CIP2A: variants seen among roughly 807,000 people sequenced by gnomAD.
CIP2A encodes the protein protein CIP2A.
CIP2A carries 103 observed loss-of-function variants against 110.9 expected under a neutral mutation model. That is an observed-to-expected ratio of 0.93 (90% CI 0.79 to 1.09). The LOEUF is 1.09. CIP2A is among the 50% of genes least tolerant of loss of function. The pLI, the probability that CIP2A is intolerant of heterozygous loss-of-function variation, is 0.00. For missense variants in CIP2A, 1,088 were observed against 1,038.4 expected, an observed-to-expected ratio of 1.05 and a Z score of -0.66; for synonymous variants, 381 against 361.6, an observed-to-expected ratio of 1.05 and a Z score of -0.61.
intron 5 of CIP2A, among the ~76,000 whole-genome samples, chr3:108,580,436 AACACACACACACACACACACACACAC>A (rs375166090): frequency 7.0e-6 from 1 of 142,162 alleles, no homozygotes; most frequent in African/African-American, 2.6e-5. Context: ...CAGAAATTGA[AACACACACACACACACACACACACAC>A]ACACACACAC....
At chr3:108,561,960 T>C (rs1938020547) in intron 13 of CIP2A, among the ~76,000 whole-genome samples, 1 of 152,136 alleles carries the variant, frequency 6.6e-6, no homozygotes. Context: ...TAAGGTTTTG[T>C]TTCATGTCAG....
intron 18 of CIP2A, among the ~76,000 whole-genome samples, 164 bp from the exon 19 acceptor site, chr3:108,553,894 TATAAAAAAAAAAAAAAAAA>T (rs966873721): frequency 4.0e-5 from 2 of 49,706 alleles, no homozygotes; most frequent in African/African-American, 6.8e-5. Context: ...CTACTAAAAA[TATAAAAAAAAAAAAAAAAA>T]AAAAAAGGTC....
chr3:108,589,264 A>C lies in CIP2A; in HGVS notation c.102+10T>G. 1 of 1,606,614 alleles carries C rather than the reference A, an allele frequency of 6.2e-7. No homozygotes were observed. The highest frequency in any genetic ancestry group is 2.2e-5 in the East Asian group (1 of 44,836). The stretch of plus-strand genomic sequence containing the variant: ...AAGCCCCATCTGTCCTCTACCCCAG[A>C]GCCTCTCACCTCCAAGTGCCGCAAA... On this transcript the variant is annotated intron_variant, in intron 1 of 20. Coordinates refer to ENST00000295746, the MANE Select transcript of CIP2A (RefSeq NM_020890.3).
intron 5 of CIP2A, among the ~76,000 whole-genome samples, chr3:108,580,436 A>AAC (rs375166090): frequency 0.21 from 29,473 of 142,070 alleles, 3,601 homozygotes; most frequent in East Asian, 0.67. Context: ...CAGAAATTGA[A>AAC]ACACACACAC....
intron 8 of CIP2A, among the ~76,000 whole-genome samples, chr3:108,575,575 C>T (rs1938575172): frequency 2.0e-5 from 3 of 149,032 alleles, no homozygotes; most frequent in African/African-American, 7.6e-5. Context: ...TATATATACT[C>T]ATATACATGT....
chr3:108,582,928 T>C (rs1938928896), intron 3 of CIP2A, 49 bp downstream of exon 3: 2 of 1,137,478 alleles, frequency 1.8e-6, no homozygotes, highest in East Asian at 4.9e-5. Flanking sequence ...AACTATCAAT[T>C]TTGATCTGAC....
At chr3:108,582,949 G>A in intron 3 of CIP2A, 28 bp downstream of exon 3, 1 of 1,370,048 alleles carries the variant, frequency 7.3e-7, no homozygotes, top group Non-Finnish European at 1.0e-6. Flanking sequence ...AGTAAGGAAA[G>A]GGGAATACAC....
intron 8 of CIP2A, among the ~76,000 whole-genome samples, chr3:108,571,796 T>C (rs1188031933): frequency 1.3e-5 from 2 of 152,172 alleles, no homozygotes; most frequent in African/African-American, 4.8e-5. Context: ...TTCTGGGTCG[T>C]AGTTTATACA....
Position 108,589,292 on chromosome 3 carries a change from C to T in CIP2A, c.84G>A (p.Gln28=). ...KAVKSEANAT[Q]LLRHLEVISG... ...CTCTCACCTCCAAGTGCCGCAAAAGCTGAGTGGCGTTCGCCTCTGACTTCA... is the reference window on the plus strand; with the variant it reads ...CTCTCACCTCCAAGTGCCGCAAAAGTTGAGTGGCGTTCGCCTCTGACTTCA... The change falls in exon 1 of 21, where the codon CAG becomes CAA. Residue 28 remains glutamine (Q), a synonymous_variant. Transcript: ENST00000295746. 1 of 1,614,006 alleles carries T rather than the reference C, an allele frequency of 6.2e-7. No individual in the cohort carries two copies.
intron 5 of CIP2A, among the ~76,000 whole-genome samples, chr3:108,580,632 T>G (rs937393754): frequency 6.7e-6 from 1 of 150,208 alleles, no homozygotes; most frequent in Non-Finnish European, 1.5e-5. Context: ...TTTAATATAC[T>G]TTGTTTTTTT....
At chr3:108,554,029 G>A (rs1406657589) in intron 18 of CIP2A, among the ~76,000 whole-genome samples, 1 of 151,166 alleles carries the variant, frequency 6.6e-6, no homozygotes, top group Non-Finnish European at 1.5e-5. Context: ...CTGGGTAGCG[G>A]AGATTACAGG....
chr3:108,582,161 A>C lies in CIP2A; in HGVS notation c.399T>G (p.Ile133Met). 1 of 1,503,010 alleles carries C rather than the reference A, an allele frequency of 6.7e-7. No homozygotes were observed. Among genetic ancestry groups the C allele is most frequent in the Non-Finnish European group, 9.1e-7 (1 of 1,093,958 alleles). 93.1% of individuals were successfully genotyped at this position (1,503,010 alleles called of 1,614,324 possible). Residue 133 changes from isoleucine (I) to methionine (M), a missense_variant, in exon 4 of 21, where the codon ATT becomes ATG. Ile to Met is a conservative substitution (Grantham distance 10). Transcript: ENST00000295746. ...CATCTATATTGGCACCAGAATAGAA[A>C]ATTTTGACATTATATGTTAACTTCT... ...LLQKLTYNVK[I>M]FYSGANIDEL...
intron 17 of CIP2A, 74 bp downstream of exon 17, chr3:108,557,144 T>G: frequency 1.1e-6 from 1 of 922,930 alleles, no homozygotes; most frequent in Admixed American, 2.4e-5. Flanking sequence ...AAAAGGATTT[T>G]CGGGTCTCAG....
chr3:108,557,770 T>C (rs1381067800), intron 16 of CIP2A, among the ~76,000 whole-genome samples: 1 of 152,170 alleles, frequency 6.6e-6, no homozygotes, highest in Non-Finnish European at 1.5e-5. Flanking sequence ...ATCAGCATTC[T>C]CATTTCAGGT....
At chr3:108,588,436 T>C (rs994654986) in intron 1 of CIP2A, among the ~76,000 whole-genome samples, 3 of 152,188 alleles carry the variant, frequency 2.0e-5, no homozygotes, top group African/African-American at 7.2e-5. Flanking sequence ...CTGGAAATCA[T>C]TTTTTTCCTG....
chr3:108,553,615 A>C lies in CIP2A; in HGVS notation c.2407+33T>G, dbSNP rs776083093. The C allele has an allele frequency of 2.0e-6, 3 of 1,525,886 alleles. No individual in the cohort carries two copies. The African/African-American group carries it at 4.2e-5, about 21-fold the overall frequency. The allele number at this position is 1,525,886 out of a possible 1,614,324, so 94.5% of individuals were successfully genotyped here. A position where few individuals can be genotyped will look rare whatever the true frequency, so the allele number is the denominator to read the frequency against. ...ATGCTTCCAAAATAAATACATTAAA[A>C]ATAGAAAATGTATTAAATAAGAAGC... is the stretch of plus-strand genomic sequence containing the variant. On this transcript the variant is annotated intron_variant, in intron 19 of 20. Transcript: ENST00000295746.
intron 11 of CIP2A, among the ~76,000 whole-genome samples, chr3:108,565,952 C>T (rs1344646499): frequency 6.6e-6 from 1 of 151,688 alleles, no homozygotes; most frequent in Non-Finnish European, 1.5e-5. Context: ...AGAAACAAAT[C>T]ATAGTGTCTA....
Position 108,585,082 on chromosome 3 carries a change from C to T in CIP2A, c.233G>A (p.Gly78Asp), listed in dbSNP as rs766919104. The stretch of plus-strand genomic sequence containing the variant: ...TGCATTACCTAGTTGAGACAGCAAA[C>T]CGATAATACTTAAGATCAGTGAAGC... ...ISASLILSII[G>D]LLSQLAVDIE... Residue 78 changes from glycine to aspartate, a missense_variant, in exon 2 of 21, where the codon GGT becomes GAT. Transcript: ENST00000295746. The T allele has an allele frequency of 1.2e-6, 2 of 1,611,310 alleles. No homozygotes were observed. Among genetic ancestry groups the T allele is most frequent in the African/African-American group, 1.3e-5 (1 of 74,918 alleles).
At chr3:108,570,649 C>G (rs777209068) in intron 8 of CIP2A, among the ~76,000 whole-genome samples, 96 of 152,044 alleles carry the variant, frequency 6.3e-4, no homozygotes, top group Non-Finnish European at 9.4e-4. Flanking sequence ...AAACGGTACA[C>G]CTGTATAGGA....
Sources: gnomAD v4.1 joint callset for allele counts (sites outside exome capture counted in the v4.1 genomes callset) on GRCh38, gnomAD v4.1.1 for gene constraint, MANE v1.5 for transcripts, NCBI Gene and HGNC (gene_info 2026-07-23, HGNC 2026-07-21) for gene names.